Variants in CHEK1 observed in about 807,000 individuals in gnomAD.
CHEK1 encodes checkpoint kinase 1.
A neutral mutation model predicts 60.2 loss-of-function variants in CHEK1; 32 were observed. The observed-to-expected ratio is 0.53, with a 90% confidence interval of 0.40 to 0.71. The LOEUF (loss-of-function observed/expected upper bound fraction) is 0.71. Ranked by LOEUF, CHEK1 falls within the 30% of genes least tolerant of loss-of-function variation. The pLI is 0.00. For synonymous variants in CHEK1, 179 were observed against 187.2 expected, an observed-to-expected ratio of 0.96 and a Z score of 0.36; for missense variants, 399 against 564.6, an observed-to-expected ratio of 0.71 and a Z score of 2.97.
At chr11:125,630,273 C>G (rs1257496796) in intron 5 of CHEK1, among the ~76,000 whole-genome samples, 1 of 151,134 alleles carries the variant, frequency 6.6e-6, no homozygotes, top group Non-Finnish European at 1.5e-5. Context: ...TGGTTTAATG[C>G]TTTATTCTTA....
In CHEK1 at chr11:125,629,399, G is replaced by T. The variant is rs368957964; in HGVS notation, c.363G>T (p.Leu121=). The T allele has an allele frequency of 6.2e-7, 1 of 1,613,718 alleles. No individual in the cohort carries two copies. Among genetic ancestry groups the T allele is most frequent in the Non-Finnish European group, 8.5e-7 (1 of 1,179,784 alleles). Residue 121 remains leucine, a synonymous_variant, in exon 5 of 13, where the codon CTG becomes CTT. Transcript: ENST00000438015. ...FHQLMAGVVY[L]HGIGITHRDI... The stretch of plus-strand genomic sequence containing the variant: ...CTCTGCATCCCTCTTAGGTTTATCT[G>T]CATGGTATTGGAATAACTCACAGGG...
downstream of CHEK1, among the ~76,000 whole-genome samples, chr11:125,658,752 C>G (rs1195752767): frequency 8.0e-6 from 1 of 125,530 alleles, no homozygotes; most frequent in African/African-American, 3.0e-5. Flanking sequence ...TGCAGTGGCA[C>G]AATCACAGCT....
At chr11:125,680,763 C>A, downstream of CHEK1, 1 of 1,613,770 alleles carries the variant, frequency 6.2e-7, no homozygotes, top group Non-Finnish European at 8.5e-7. Context: ...GACTCATTAG[C>A]AAGAGAAACC....
chr11:125,678,933 A>G (rs913271138), downstream of CHEK1, among the ~76,000 whole-genome samples: 12 of 146,702 alleles, frequency 8.2e-5, no homozygotes, highest in Non-Finnish European at 3.0e-5. Flanking sequence ...CAGAGAGCAA[A>G]GTTGCTATAA....
intron 6 of CHEK1, among the ~76,000 whole-genome samples, chr11:125,634,192 A>G (rs1940976467): frequency 6.6e-6 from 1 of 151,832 alleles, no homozygotes; most frequent in South Asian, 2.1e-4. Flanking sequence ...ACAGGGTTTC[A>G]CCATGTTGGC....
intron 13 of CHEK1, among the ~76,000 whole-genome samples, chr11:125,670,695 ACCTATGTTCT>A (rs1942185671): frequency 6.6e-6 from 1 of 151,894 alleles, no homozygotes; most frequent in African/African-American, 2.4e-5. Flanking sequence ...GCTAGTCCCA[ACCTATGTTCT>A]CTGAAACTTC....
chr11:125,629,749 G>GCT (rs1421327888), intron 5 of CHEK1, among the ~76,000 whole-genome samples: 1 of 151,790 alleles, frequency 6.6e-6, no homozygotes, highest in African/African-American at 2.4e-5. Flanking sequence ...TTTGATACAG[G>GCT]CTCACTGTGT....
intron 12 of CHEK1, among the ~76,000 whole-genome samples, 193 bp from the exon 13 acceptor site, chr11:125,655,032 A>T (rs2136065647): frequency 6.6e-6 from 1 of 152,330 alleles, no homozygotes; most frequent in Non-Finnish European, 1.5e-5. Context: ...ATGAAACCAC[A>T]TCAGAATTAT....
chr11:125,633,318 T>C lies in CHEK1; in HGVS notation c.580T>C (p.Cys194Arg), dbSNP rs1167618904. ...FHAEPVDVWS[C>R]GIVLTAMLAG... ...TGCAGAACCAGTTGATGTTTGGTCCTGTGGAATAGTACTTACTGCAATGCT... is the reference window on the plus strand; with the variant it reads ...TGCAGAACCAGTTGATGTTTGGTCCCGTGGAATAGTACTTACTGCAATGCT... The change falls in exon 6 of 13, where the codon TGT becomes CGT. Residue 194 changes from cysteine to arginine, a missense_variant. Physicochemically the swap from Cys to Arg is radical, Grantham distance 180. Coordinates refer to ENST00000438015, the MANE Select transcript of CHEK1 (RefSeq NM_001114122.3). 4.4e-6 allele frequency: 7 copies of C among 1,596,796 alleles called. No individual in the cohort carries two copies. The highest frequency in any genetic ancestry group is 1.1e-5 in the South Asian group (1 of 87,350).
In CHEK1 at chr11:125,626,798, C is replaced by G; in HGVS notation, c.30C>G (p.Asp10Glu). 1.2e-6 allele frequency: 2 copies of G among 1,614,090 alleles called. No homozygotes were observed. Among genetic ancestry groups the G allele is most frequent in the South Asian group, 2.2e-5 (2 of 91,074 alleles). The change falls in exon 2 of 13, where the codon GAC becomes GAG. Residue 10 changes from aspartate to glutamate, a missense_variant. Physicochemically the swap from Asp to Glu is conservative, Grantham distance 45. This residue lies in a region of CHEK1 where 370 missense variants were observed against 494.8 expected (regional missense o/e 0.75). Coordinates refer to ENST00000438015, the MANE Select transcript of CHEK1 (RefSeq NM_001114122.3). Reference sequence around the variant, plus strand: ...CAGTGCCCTTTGTGGAAGACTGGGACTTGGTGCAAACCCTGGGAGAAGGTG... The same window carrying G: ...CAGTGCCCTTTGTGGAAGACTGGGAGTTGGTGCAAACCCTGGGAGAAGGTG... Reference protein sequence around the residue: MAVPFVEDWDLVQTLGEGAY... With the variant: MAVPFVEDWELVQTLGEGAY...
chr11:125,632,316 C>G (rs1004551079), intron 5 of CHEK1, among the ~76,000 whole-genome samples: 1 of 152,146 alleles, frequency 6.6e-6, no homozygotes, highest in Non-Finnish European at 1.5e-5. Context: ...GTGGGAATTG[C>G]TAGTTCAAAG....
downstream of CHEK1, among the ~76,000 whole-genome samples, chr11:125,658,069 A>G: frequency 6.6e-6 from 1 of 151,966 alleles, no homozygotes; most frequent in Non-Finnish European, 1.5e-5. Flanking sequence ...TGTTTTTGTT[A>G]ATGTTTTTTT....
chr11:125,627,919 C>A, intron 3 of CHEK1, 89 bp downstream of exon 3: 1 of 1,004,592 alleles, frequency 1.0e-6, no homozygotes, highest in East Asian at 2.7e-5. Context: ...GTTGTCCTTT[C>A]AAAATTGCTC....
At chr11:125,626,344 A>G in intron 1 of CHEK1, 2 of 435,602 alleles carry the variant, frequency 4.6e-6, no homozygotes, top group Non-Finnish European at 8.3e-6. Flanking sequence ...GAATTGAGCA[A>G]TTGGGAGGAG....
intron 8 of CHEK1, among the ~76,000 whole-genome samples, chr11:125,640,245 C>T (rs1490189956): frequency 6.6e-6 from 1 of 152,178 alleles, no homozygotes; most frequent in Admixed American, 6.5e-5. Flanking sequence ...AACAATTCAT[C>T]AATTCATGGG....
At position 125,637,139 on chromosome 11, in the gene CHEK1, T is replaced by C. The variant is rs900854218; in HGVS notation, c.719-310T>C. 2.0e-5 allele frequency among the ~76,000 whole-genome samples: 3 copies of C among 152,158 alleles called. No individual in the cohort carries two copies. In the East Asian group the frequency reaches 5.8e-4, roughly 29 times the overall value. Reference sequence around the variant, plus strand: ...GACATTGAAGTAATGAAATTCGGTATTGAAAATGGATAAGAGGGGTTTCTG... The same window carrying C: ...GACATTGAAGTAATGAAATTCGGTACTGAAAATGGATAAGAGGGGTTTCTG... On this transcript the variant is annotated intron_variant, in intron 7 of 12. Coordinates refer to ENST00000438015, the MANE Select transcript of CHEK1 (RefSeq NM_001114122.3).
intron 11 of CHEK1, among the ~76,000 whole-genome samples, chr11:125,646,417 T>A (rs954201977): frequency 2.0e-5 from 3 of 152,286 alleles, no homozygotes; most frequent in Admixed American, 6.5e-5. Context: ...TCATTATGAA[T>A]AATACTGCTG....
chr11:125,631,950 T>C (rs1185738284), intron 5 of CHEK1, among the ~76,000 whole-genome samples: 1 of 151,806 alleles, frequency 6.6e-6, no homozygotes, highest in Non-Finnish European at 1.5e-5. Context: ...GGTTTACATA[T>C]TGTGTGAATG....
intron 1 of CHEK1, 59 bp from the exon 2 acceptor site, chr11:125,626,690 C>A: frequency 6.7e-7 from 1 of 1,493,826 alleles, no homozygotes; most frequent in Non-Finnish European, 9.3e-7. Context: ...AGGCGGGGCT[C>A]AGTGGCTTCA....
Sources: allele counts gnomAD v4.1 joint callset (sites outside exome capture counted in the v4.1 genomes callset), GRCh38; gene constraint gnomAD v4.1.1; regional missense constraint gnomAD v4.1.1; transcripts MANE v1.5; gene names NCBI Gene and HGNC (gene_info 2026-07-23, HGNC 2026-07-21).